RNF213: variants seen among roughly 807,000 people sequenced by gnomAD.
The protein encoded by RNF213 is E3 ubiquitin-protein ligase RNF213.
In RNF213, 341 loss-of-function variants were observed where a neutral mutation model predicts 514.4. That is an observed-to-expected ratio of 0.66 (90% CI 0.61 to 0.73). The LOEUF is 0.73. Ranked by LOEUF, RNF213 falls within the 30% of genes least tolerant of loss-of-function variation. The probability of loss-of-function intolerance (pLI) is 0.00; values close to 1 mark genes in which losing one functional copy is unlikely to be tolerated. For missense variants in RNF213, 5,767 were observed against 6,615.6 expected, an observed-to-expected ratio of 0.87 and a Z score of 4.45; for synonymous variants, 2,655 against 2,658.2, an observed-to-expected ratio of 1.00 and a Z score of 0.04.
intron 20 of RNF213, among the ~76,000 whole-genome samples, chr17:80,328,952 C>T (rs764454327): frequency 6.6e-5 from 10 of 152,272 alleles, no homozygotes; most frequent in Non-Finnish European, 1.2e-4. Flanking sequence ...AATTACATTT[C>T]CTGTCAGATG....
In RNF213 at chr17:80,348,924, G is replaced by A. The variant is rs1284330736; in HGVS notation, c.9951+638G>A. On this transcript the variant is annotated intron_variant, in intron 29 of 67. Transcript: ENST00000582970. ...GAGCCACATCTCAGCCCTATGGAGC[G>A]GGCACTGGAGGCACGCTTGTCTCCC... Among the ~76,000 whole-genome samples, 5 of 152,198 alleles carry A rather than the reference G, an allele frequency of 3.3e-5. No homozygotes were observed. In the East Asian group the frequency reaches 9.6e-4, roughly 29 times the overall value.
At position 80,373,051 on chromosome 17, in the gene RNF213, G is replaced by C. The variant is rs1340507626; in HGVS notation, c.12828G>C (p.Arg4276=). 1 of 1,613,994 alleles carries C rather than the reference G, an allele frequency of 6.2e-7. No homozygotes were observed. Among genetic ancestry groups the C allele is most frequent in the Admixed American group, 1.7e-5 (1 of 60,012 alleles). The change falls in exon 49 of 68, where the codon CGG becomes CGC. Residue 4276 remains arginine (R), a synonymous_variant. Coordinates refer to ENST00000582970, the MANE Select transcript of RNF213 (RefSeq NM_001256071.3). ...FCIRVENDWH[R]VYLVRKLSSQ... ...TCCGGGTGGAGAACGACTGGCACCG[G>C]GTGTACCTGGTGCGGAAGCTCAGCA...
At chr17:80,262,434 G>C (rs2043456266) in intron 1 of RNF213, among the ~76,000 whole-genome samples, 1 of 152,078 alleles carries the variant, frequency 6.6e-6, no homozygotes, top group Non-Finnish European at 1.5e-5. Flanking sequence ...GAGGTGTGCA[G>C]GGTTGTCTTG....
At chr17:80,330,057 G>C (rs1173723314) in intron 20 of RNF213, among the ~76,000 whole-genome samples, 1 of 152,104 alleles carries the variant, frequency 6.6e-6, no homozygotes, top group Non-Finnish European at 1.5e-5. Flanking sequence ...GCTCTTGAGA[G>C]ATTTATTCAG....
chr17:80,346,111 C>G lies in RNF213; in HGVS notation c.7776C>G (p.Leu2592=), dbSNP rs777897799. ...FGQLSDVAEK[L]YIQQIVQRLV... ...AACTGAGTGACGTTGCTGAAAAGCT[C>G]TACATCCAGCAGATTGTCCAGAGAC... The change falls in exon 29 of 68, where the codon CTC becomes CTG. Residue 2592 remains leucine, a synonymous_variant. Transcript: ENST00000582970. The surrounding 1 kb of genome is among the most constrained non-coding windows in gnomAD (Gnocchi z 8.1). The G allele has an allele frequency of 2.7e-5, 44 of 1,614,176 alleles. No homozygotes were observed. The highest frequency in any genetic ancestry group is 3.6e-5 in the Non-Finnish European group (42 of 1,180,042).
At position 80,390,077 on chromosome 17, in the gene RNF213, C is replaced by T. The variant is rs773805669; in HGVS notation, c.15351C>T (p.Leu5117=). Reference sequence around the variant, plus strand: ...TGAGCCCGGAAAATGCTAAGCTCCTCAGCACATTCCTAAATCAGACTGGCC... The same window carrying T: ...TGAGCCCGGAAAATGCTAAGCTCCTTAGCACATTCCTAAATCAGACTGGCC... ...ADLSPENAKL[L]STFLNQTGLD... Residue 5117 remains leucine (L), a synonymous_variant, in exon 67 of 68, where the codon CTC becomes CTT. Transcript: ENST00000582970. 6.2e-7 allele frequency: 1 copy of T among 1,614,226 alleles called. No homozygotes were observed. Among genetic ancestry groups the T allele is most frequent in the Admixed American group, 1.7e-5 (1 of 60,032 alleles).
At position 80,328,116 on chromosome 17, in the gene RNF213, C is replaced by A. The variant is rs1041848845; in HGVS notation, c.3367+127C>A. 5.7e-6 allele frequency: 7 copies of A among 1,221,080 alleles called. No homozygotes were observed. In the East Asian group the frequency reaches 1.8e-4, roughly 31 times the overall value. 75.6% of individuals were successfully genotyped at this position (1,221,080 alleles called of 1,614,324 possible). Reference sequence around the variant, plus strand: ...TTAGCCTTGATAATGAGTATCTCTTCTTGCTCATAAGTTGATAGGGGTGGT... The same window carrying A: ...TTAGCCTTGATAATGAGTATCTCTTATTGCTCATAAGTTGATAGGGGTGGT... On this transcript the variant is annotated intron_variant, in intron 19 of 67. Transcript: ENST00000582970.
Position 80,332,290 on chromosome 17 carries a change from A to G in RNF213, c.3802A>G (p.Ile1268Val). The change falls in exon 21 of 68, where the codon ATC (isoleucine) becomes GTC (valine). Residue 1268 changes from isoleucine to valine, a missense_variant. Ile to Val is a conservative substitution (Grantham distance 29). Coordinates refer to ENST00000582970, the MANE Select transcript of RNF213 (RefSeq NM_001256071.3). The stretch of plus-strand genomic sequence containing the variant: ...GCCCGAAGAAGAATCAGAAAGGCAC[A>G]TCCTTGAGCTTGAAGAGGTGTATGA... ...SEPEEESERH[I>V]LELEEVYDYL... 2 of 1,537,246 alleles carry G rather than the reference A, an allele frequency of 1.3e-6. No homozygotes were observed. The highest frequency in any genetic ancestry group is 1.4e-5 in the African/African-American group (1 of 73,184).
intron 14 of RNF213, among the ~76,000 whole-genome samples, 155 bp downstream of exon 14, chr17:80,309,326 C>A (rs1294407368): frequency 6.6e-6 from 1 of 152,096 alleles, no homozygotes; most frequent in African/African-American, 2.4e-5. Flanking sequence ...CTGCTTGATG[C>A]TGGGTTCTGT....
intron 36 of RNF213, 35 bp downstream of exon 36, chr17:80,354,611 A>G (rs748648436): frequency 4.3e-6 from 7 of 1,613,050 alleles, no homozygotes; most frequent in African/African-American, 1.3e-5. Flanking sequence ...AGTGGCTCCA[A>G]TCTGGTGGCA....
At chr17:80,340,517 C>T (rs1270020355) in intron 26 of RNF213, 161 bp downstream of exon 26, 2 of 655,114 alleles carry the variant, frequency 3.1e-6, no homozygotes, top group African/African-American at 3.6e-5. Context: ...CAGAACCAGG[C>T]ACCCTGGTCA....
At chr17:80,369,473 C>T (rs746558151) in intron 44 of RNF213, 29 bp from the exon 45 acceptor site, 40 of 1,607,552 alleles carry the variant, frequency 2.5e-5, no homozygotes, top group Non-Finnish European at 3.1e-5. Context: ...AAACACCATC[C>T]ACCTGTCTTC....
At chr17:80,305,197 T>TTTTTTTTTTTTTTTA (rs1598966815) in intron 11 of RNF213, among the ~76,000 whole-genome samples, 2 of 150,912 alleles carry the variant, frequency 1.3e-5, no homozygotes, top group African/African-American at 2.5e-5. Flanking sequence ...TTTTTTTTTT[T>TTTTTTTTTTTTTTTA]GAGACAGTTT....
chr17:80,332,307 G>C lies in RNF213; in HGVS notation c.3819G>C (p.Glu1273Asp). 1 of 1,537,212 alleles carries C rather than the reference G, an allele frequency of 6.5e-7. No homozygotes were observed. The highest frequency in any genetic ancestry group is 8.7e-7 in the Non-Finnish European group (1 of 1,146,914). Residue 1273 changes from glutamate (E) to aspartate (D), a missense_variant, in exon 21 of 68, where the codon GAG (glutamate) becomes GAC (aspartate). Glu to Asp is a conservative substitution (Grantham distance 45, BLOSUM62 2). Coordinates refer to ENST00000582970, the MANE Select transcript of RNF213 (RefSeq NM_001256071.3). Reference sequence around the variant, plus strand: ...AAAGGCACATCCTTGAGCTTGAAGAGGTGTATGACTATTTGTATCAGCCTT... The same window carrying C: ...AAAGGCACATCCTTGAGCTTGAAGACGTGTATGACTATTTGTATCAGCCTT... ...ESERHILELE[E>D]VYDYLYQPSY...
chr17:80,291,059 G>A (rs56790594), intron 7 of RNF213, among the ~76,000 whole-genome samples: 1,570 of 152,108 alleles, frequency 0.01, 30 homozygotes, highest in African/African-American at 0.036. Context: ...TGATCCGCCC[G>A]CCTAGGCCTC....
chr17:80,323,668 T>C (rs1161428364), intron 17 of RNF213, among the ~76,000 whole-genome samples: 1 of 152,012 alleles, frequency 6.6e-6, no homozygotes. Context: ...TTGGTCAGGG[T>C]GGTCTCGAAC....
chr17:80,388,465 T>C (rs986839487), intron 63 of RNF213, 147 bp from the exon 64 acceptor site: 1 of 711,944 alleles, frequency 1.4e-6, no homozygotes, highest in Non-Finnish European at 2.6e-6. Flanking sequence ...GGTGGGTTAA[T>C]GACGGAGAGG....
intron 15 of RNF213, among the ~76,000 whole-genome samples, chr17:80,313,909 T>A (rs372397321): frequency 0.22 from 844 of 3,892 alleles, 103 homozygotes; most frequent in Middle Eastern, 1. Flanking sequence ...GTGGTGGTGG[T>A]GGTGATGGTG....
chr17:80,313,737 A>T (rs180771491), intron 15 of RNF213, among the ~76,000 whole-genome samples: 1 of 41,708 alleles, frequency 2.4e-5, no homozygotes, highest in Admixed American at 2.6e-4. Context: ...GGAGGTGACA[A>T]TGGTGATGCT....
Sources: gnomAD v4.1 joint callset for allele counts (sites outside exome capture counted in the v4.1 genomes callset) on GRCh38, gnomAD v4.1.1 for gene constraint, Gnocchi (gnomAD v3.1) non-coding constraint, MANE v1.5 for transcripts, NCBI Gene and HGNC (gene_info 2026-07-23, HGNC 2026-07-21) for gene names.